Variants in SLC24A1 observed in about 807,000 individuals in gnomAD.
SLC24A1 encodes the protein solute carrier family 24 member 1, also known as sodium/potassium/calcium exchanger 1.
Under a neutral mutation model 88.1 loss-of-function variants are expected in SLC24A1, and 52 were observed. The observed-to-expected ratio is 0.59, with a 90% CI of 0.47 to 0.74. The LOEUF (loss-of-function observed/expected upper bound fraction) is 0.74, where lower values mean the gene tolerates loss of function less well. Among genes scored for constraint, SLC24A1 ranks in the 30% least tolerant of loss-of-function variants. The pLI, the probability that SLC24A1 is intolerant of heterozygous loss-of-function variation, is 0.00. For synonymous variants in SLC24A1, 455 were observed against 498.0 expected (o/e 0.91, Z 1.15); for missense variants, 1,173 against 1,363.3 (o/e 0.86, Z 2.20).
chr15:65,638,800 A>G (rs28407453), intron 3 of SLC24A1, among the ~76,000 whole-genome samples: 8 of 152,168 alleles, frequency 5.3e-5, no homozygotes, highest in Admixed American at 1.3e-4. Flanking sequence ...AGTTCAGATC[A>G]GAGGGATGAG....
upstream of SLC24A1, among the ~76,000 whole-genome samples, chr15:65,617,499 G>A (rs1007334524): frequency 2.6e-5 from 4 of 152,164 alleles, no homozygotes; most frequent in East Asian, 3.9e-4. Flanking sequence ...AATTGTGAAC[G>A]GGAGTTCACT....
At chr15:65,660,759 A>G (rs1476682806), downstream of SLC24A1, 1 of 153,336 alleles carries the variant, frequency 6.5e-6, no homozygotes, top group African/African-American at 2.4e-5. Context: ...ATGAAAATCT[A>G]TCTGGCTGTA....
At position 65,625,515 on chromosome 15, in the gene SLC24A1, C is replaced by G. The variant is rs1278114610; in HGVS notation, c.1435C>G (p.Pro479Ala). The G allele has an allele frequency of 1.2e-6, 2 of 1,614,022 alleles. No individual in the cohort carries two copies. Among genetic ancestry groups the G allele is most frequent in the South Asian group, 2.2e-5 (2 of 91,080 alleles). Reference protein sequence around the residue: ...LAIVCDEYFVPALGVITDKLQ... With the variant: ...LAIVCDEYFVAALGVITDKLQ... Reference sequence around the variant, plus strand: ...CATTGTTTGCGACGAGTACTTCGTTCCAGCCCTGGGTGTCATCACAGACAA... The same window carrying G: ...CATTGTTTGCGACGAGTACTTCGTTGCAGCCCTGGGTGTCATCACAGACAA... Residue 479 changes from proline to alanine, a missense_variant, in exon 2 of 10, where the codon CCA becomes GCA. By Grantham distance (27) the Pro-to-Ala change is conservative. Transcript: ENST00000261892.
Position 65,625,412 on chromosome 15 carries a change from G to T in SLC24A1, c.1332G>T (p.Leu444=). Residue 444 remains leucine, a synonymous_variant, in exon 2 of 10, where the codon CTG becomes CTT. Coordinates refer to ENST00000261892, the MANE Select transcript of SLC24A1 (RefSeq NM_004727.3). The part of the protein sequence containing the change: ...LHPKGEYPPD[L]FSVEERRQGW... Reference sequence around the variant, plus strand: ...CCAAGGGAGAGTACCCCCCAGATCTGTTCAGTGTGGAGGAGCGGCGGCAGG... The same window carrying T: ...CCAAGGGAGAGTACCCCCCAGATCTTTTCAGTGTGGAGGAGCGGCGGCAGG... 1 of 1,614,050 alleles carries T rather than the reference G, an allele frequency of 6.2e-7. No homozygotes were observed. The highest frequency in any genetic ancestry group is 2.2e-5 in the East Asian group (1 of 44,888).
intron 2 of SLC24A1, among the ~76,000 whole-genome samples, chr15:65,626,228 C>T (rs565079281): frequency 4.3e-4 from 65 of 152,238 alleles, no homozygotes; most frequent in South Asian, 1.4e-3. Flanking sequence ...GAGAGAAAAC[C>T]GAAGCCCAAA....
At position 65,652,866 on chromosome 15, in the gene SLC24A1, G is replaced by A. The variant is rs2075552509; in HGVS notation, c.3050+58G>A. On this transcript the variant is annotated intron_variant, in intron 9 of 9. Coordinates refer to ENST00000261892, the MANE Select transcript of SLC24A1 (RefSeq NM_004727.3). ...AAGTATGACTGGAAAACACTGCATT[G>A]GCTCTGTTCACTGGTTTTCTGCTTT... The A allele has an allele frequency of 8.0e-6, 11 of 1,376,478 alleles. No individual in the cohort carries two copies. The East Asian group carries it at 2.6e-4, about 32-fold the overall frequency. The allele number at this position is 1,376,478 out of a possible 1,614,324, so 85.3% of individuals were successfully genotyped here.
At chr15:65,614,506 T>C (rs190092197) in intron 2 of SLC24A1, among the ~76,000 whole-genome samples, 485 of 152,310 alleles carry the variant, frequency 3.2e-3, no homozygotes, top group Non-Finnish European at 4.5e-3. Flanking sequence ...ATCTCAGAAG[T>C]CTCTTTTAAT....
At position 65,624,820 on chromosome 15, in the gene SLC24A1, C is replaced by T; in HGVS notation, c.740C>T (p.Thr247Ile). ...LKRIMEETTP[T>I]TLKGMFDSTP... ...AGAATAATGGAGGAAACCACCCCAA[C>T]CACTCTCAAGGGAATGTTTGATAGC... The change falls in exon 2 of 10, where the codon ACC becomes ATC. Residue 247 changes from threonine (T) to isoleucine (I), a missense_variant. Transcript: ENST00000261892. The T allele has an allele frequency of 6.2e-7, 1 of 1,614,050 alleles. No homozygotes were observed. The highest frequency in any genetic ancestry group is 2.2e-5 in the East Asian group (1 of 44,890).
Position 65,654,071 on chromosome 15 carries a change from T to G in SLC24A1, c.3292T>G (p.Ser1098Ala). 1 of 1,612,038 alleles carries G rather than the reference T, an allele frequency of 6.2e-7. No homozygotes were observed. The highest frequency in any genetic ancestry group is 8.5e-7 in the Non-Finnish European group (1 of 1,178,280). ...AGATCGAATCATATCCTGTCCTGTA[T>G]CTGTCTGAATCAGTCACTCTTGCTC... ...LEDRIISCPV[S>A]V The change falls in exon 10 of 10, where the codon TCT (serine) becomes GCT (alanine). Residue 1098 changes from serine (S) to alanine (A), a missense_variant. By Grantham distance (99) the Ser-to-Ala change is moderately conservative. Transcript: ENST00000261892.
chr15:65,651,803 A>T, intron 8 of SLC24A1, 44 bp downstream of exon 8: 1 of 987,462 alleles, frequency 1.0e-6, no homozygotes, highest in Non-Finnish European at 1.6e-6. Flanking sequence ...GCAGGTCCCA[A>T]CGACACTTTC....
At chr15:65,611,465 A>C in exon 1 of SLC24A1, 4 of 474,594 alleles carry the variant, frequency 8.4e-6, no homozygotes, top group Non-Finnish European at 1.5e-5. Context: ...CCACTGACCC[A>C]TGGGCCTCAC....
intron 4 of SLC24A1, among the ~76,000 whole-genome samples, chr15:65,641,992 C>T (rs2075144150): frequency 6.6e-6 from 1 of 152,162 alleles, no homozygotes; most frequent in Non-Finnish European, 1.5e-5. Flanking sequence ...AGCAATCATC[C>T]CAGGGAGGAC....
chr15:65,621,025 G>A (rs544978901), upstream of SLC24A1, among the ~76,000 whole-genome samples: 87 of 152,208 alleles, frequency 5.7e-4, no homozygotes, highest in Non-Finnish European at 1.0e-3. Context: ...GGGCCCTTCT[G>A]TGGGCTTCAG....
In SLC24A1 at chr15:65,637,549, G is replaced by T. The variant is rs144781967; in HGVS notation, c.1891-579G>T. ...GATTAAGTGTATTTAGAGGACAGTT[G>T]ATTTTCATTTATTCATTCATTTAAT... On this transcript the variant is annotated intron_variant, in intron 2 of 9. Transcript: ENST00000261892. Among the ~76,000 whole-genome samples, 748 of 152,316 alleles carry T rather than the reference G, an allele frequency of 4.9e-3. 3 individuals are homozygous for T. The highest frequency in any genetic ancestry group is 0.024 in the Middle Eastern group (7 of 294).
In SLC24A1 at chr15:65,650,983, C is replaced by CCCTGCTGGGGAT; in HGVS notation, c.2793+41_2793+42insCCTGCTGGGGAT. On this transcript the variant is annotated intron_variant, in intron 7 of 9. Transcript: ENST00000261892. This position sits in a 1 kb window ranked among gnomAD's most constrained non-coding sequence, Gnocchi z 4.1. The stretch of plus-strand genomic sequence containing the variant: ...TGTATCTCAGACTCTTTATCCCCAG[C>CCCTGCTGGGGAT]AGGGCTGTGGGGTCTCTCGGCATGC... The CCCTGCTGGGGAT allele has an allele frequency of 6.4e-7, 1 of 1,567,428 alleles. No homozygotes were observed. The highest frequency in any genetic ancestry group is 8.8e-7 in the Non-Finnish European group (1 of 1,137,668).
intron 2 of SLC24A1, among the ~76,000 whole-genome samples, chr15:65,628,872 G>A (rs2074608418): frequency 6.6e-6 from 1 of 152,220 alleles, no homozygotes; most frequent in African/African-American, 2.4e-5. Context: ...TGTGCAAAGT[G>A]CTACAAAGCC....
downstream of SLC24A1, chr15:65,658,339 T>G (rs1343137258): frequency 6.6e-6 from 1 of 152,226 alleles, no homozygotes; most frequent in Non-Finnish European, 1.5e-5. Context: ...AGGCAGCACA[T>G]GCTAACTTTA....
At chr15:65,637,858 A>AGGAT (rs1596326678) in intron 2 of SLC24A1, among the ~76,000 whole-genome samples, 1 of 152,188 alleles carries the variant, frequency 6.6e-6, no homozygotes, top group Admixed American at 6.5e-5. Context: ...GTGGGTGAAG[A>AGGAT]GGATGGCACA....
intron 1 of SLC24A1, 62 bp from the exon 2 acceptor site, chr15:65,623,893 G>T: frequency 1.9e-6 from 1 of 532,762 alleles, no homozygotes; most frequent in Non-Finnish European, 3.3e-6. Context: ...TTCTATATGA[G>T]GGTGTTATGG....
Sources: allele counts gnomAD v4.1 joint callset (sites outside exome capture counted in the v4.1 genomes callset), GRCh38; gene constraint gnomAD v4.1.1; non-coding constraint Gnocchi (gnomAD v3.1); transcripts MANE v1.5; gene names NCBI Gene and HGNC (gene_info 2026-07-23, HGNC 2026-07-21).